Variants in SUN1 observed in about 807,000 individuals in gnomAD.
The protein encoded by SUN1 is Sad1 and UNC84 domain containing 1.
In SUN1, 61 loss-of-function variants were observed where a neutral mutation model predicts 103.2. The observed-to-expected ratio is 0.59, with a 90% CI of 0.48 to 0.73. SUN1 has a LOEUF of 0.73. Among genes scored for constraint, SUN1 ranks in the 30% least tolerant of loss-of-function variants. The pLI is 0.00. For synonymous variants in SUN1, 490 were observed against 425.7 expected (o/e 1.15, Z -1.86); for missense variants, 1,052 against 1,034.6 (o/e 1.02, Z -0.23).
chr7:851,349 G>T, intron 5 of SUN1, 35 bp from the exon 6 acceptor site: 2 of 1,543,838 alleles, frequency 1.3e-6, no homozygotes, highest in Non-Finnish European at 1.8e-6. Context: ...GGTCCCTGGC[G>T]TCTGTCTGAG....
chr7:843,203 T>C lies in SUN1; in HGVS notation c.452-3T>C, dbSNP rs780044614. The C allele has an allele frequency of 9.3e-6, 15 of 1,606,268 alleles. No homozygotes were observed. The highest frequency in any genetic ancestry group is 8.5e-7 in the Non-Finnish European group (1 of 1,179,128). ...GTGTGTGTGTGTGTGTTTTTTTTTT[T>C]AGGTCTTGATGATGATGGTGATCTT... On this transcript the variant is annotated splice_polypyrimidine_tract_variant and splice_region_variant and intron_variant, in intron 3 of 18. Coordinates refer to ENST00000401592, the MANE Select transcript of SUN1 (RefSeq NM_001130965.3).
intron 15 of SUN1, among the ~76,000 whole-genome samples, chr7:863,033 T>C (rs537982800): frequency 6.6e-6 from 1 of 152,196 alleles, no homozygotes; most frequent in African/African-American, 2.4e-5. Context: ...TCCCAGCTAC[T>C]TGGGAGGCTA....
chr7:870,205 T>TAAAAAAA (rs34486427), intron 17 of SUN1, among the ~76,000 whole-genome samples: 1 of 137,200 alleles, frequency 7.3e-6, no homozygotes, highest in African/African-American at 2.7e-5. Context: ...ACCCTGTCTT[T>TAAAAAAA]AAAAAAAAAA....
intron 15 of SUN1, among the ~76,000 whole-genome samples, chr7:864,148 A>AGTGCCTG (rs1369756684): frequency 1.3e-5 from 2 of 152,172 alleles, no homozygotes; most frequent in Non-Finnish European, 2.9e-5. Context: ...ATATATTTTG[A>AGTGCCTG]TACAGGCATG....
At chr7:843,556 T>G in intron 5 of SUN1, 36 bp downstream of exon 5, 8 of 1,613,806 alleles carry the variant, frequency 5.0e-6, no homozygotes, top group Non-Finnish European at 6.8e-6. Flanking sequence ...GAAAAAGGTG[T>G]GTTTTCCAAA....
intron 7 of SUN1, chr7:852,332 A>G: frequency 1.7e-6 from 1 of 595,808 alleles, no homozygotes; most frequent in Non-Finnish European, 2.9e-6. Context: ...TCCCAGTGGC[A>G]TCAGTCACCT....
At chr7:826,218 A>G (rs1791685400) in intron 1 of SUN1, among the ~76,000 whole-genome samples, 1 of 150,680 alleles carries the variant, frequency 6.6e-6, no homozygotes, top group Non-Finnish European at 1.5e-5. Context: ...ACAGAATGAG[A>G]CCCTGTCTCT....
chr7:861,512 G>C, intron 15 of SUN1, 48 bp downstream of exon 15: 1 of 1,596,922 alleles, frequency 6.3e-7, no homozygotes, highest in Non-Finnish European at 8.6e-7. Context: ...TCACCTGTTA[G>C]CAGGGGTGTG....
chr7:829,559 T>TG (rs397827865), upstream of SUN1, among the ~76,000 whole-genome samples: 3 of 146,628 alleles, frequency 2.0e-5, no homozygotes, highest in East Asian at 2.0e-4. Flanking sequence ...TTTTTTTTTT[T>TG]GTTTTTTTTT....
At chr7:824,693 A>G (rs531260017) in intron 1 of SUN1, among the ~76,000 whole-genome samples, 29 of 152,206 alleles carry the variant, frequency 1.9e-4, no homozygotes, top group South Asian at 4.1e-4. Context: ...TTTGACACTC[A>G]GCTGTTTTCT....
chr7:824,366 C>T lies in SUN1; in HGVS notation c.-74+7693C>T, dbSNP rs551242699. Among the ~76,000 whole-genome samples the T allele has an allele frequency of 2.3e-3, 346 of 152,298 alleles. 2 individuals are homozygous for T. Among genetic ancestry groups the T allele is most frequent in the African/African-American group, 7.8e-3 (325 of 41,562 alleles). On this transcript the variant is annotated intron_variant, in intron 1 of 17. Transcript: ENST00000389574. Reference sequence around the variant, plus strand: ...CTGCAGCACATCCCTGCTTGAGGGCCGCTGGCTGCAGATGAGTTCTCCAGG... The same window carrying T: ...CTGCAGCACATCCCTGCTTGAGGGCTGCTGGCTGCAGATGAGTTCTCCAGG...
chr7:823,679 G>A (rs565352163), intron 1 of SUN1, among the ~76,000 whole-genome samples: 13 of 152,148 alleles, frequency 8.5e-5, no homozygotes, highest in Non-Finnish European at 1.8e-4. Flanking sequence ...TCTGTAGATG[G>A]GTCATTCAGG....
intron 15 of SUN1, among the ~76,000 whole-genome samples, chr7:862,512 T>C (rs1832988924): frequency 6.6e-6 from 1 of 152,174 alleles, no homozygotes; most frequent in African/African-American, 2.4e-5. Flanking sequence ...GTGTGATCGG[T>C]GTGTGTTTGT....
chr7:832,675 A>C, intron 1 of SUN1, 74 bp downstream of exon 1: 1 of 1,185,340 alleles, frequency 8.4e-7, no homozygotes, highest in Non-Finnish European at 1.2e-6. Context: ...GGACCTTAAC[A>C]GGAACTCCAT....
chr7:837,034 C>T (rs757695410), intron 1 of SUN1, among the ~76,000 whole-genome samples: 5 of 152,190 alleles, frequency 3.3e-5, no homozygotes, highest in South Asian at 2.1e-4. Context: ...CTGGGGACTG[C>T]GAATCATGAC....
intron 17 of SUN1, among the ~76,000 whole-genome samples, chr7:870,571 G>A (rs1034633846): frequency 2.0e-5 from 3 of 152,120 alleles, no homozygotes; most frequent in Non-Finnish European, 2.9e-5. Flanking sequence ...GGGCAACAGA[G>A]CAAGACTCTG....
intron 2 of SUN1, among the ~76,000 whole-genome samples, chr7:840,554 A>G (rs1808473635): frequency 6.6e-6 from 1 of 152,030 alleles, no homozygotes; most frequent in Non-Finnish European, 1.5e-5. Flanking sequence ...CGGTGGTAAC[A>G]TTCACAGGGT....
At chr7:862,365 A>G (rs569190150) in intron 15 of SUN1, among the ~76,000 whole-genome samples, 1 of 152,100 alleles carries the variant, frequency 6.6e-6, no homozygotes, top group Admixed American at 6.5e-5. Flanking sequence ...TCCTAATCCC[A>G]TTAGTACGGG....
At chr7:869,992 G>A (rs1007386283) in intron 17 of SUN1, among the ~76,000 whole-genome samples, 9 of 150,800 alleles carry the variant, frequency 6.0e-5, no homozygotes, top group South Asian at 2.1e-4. Context: ...TCGGGAGTTC[G>A]AGACCAGCCT....
Sources: allele counts gnomAD v4.1 joint callset (sites outside exome capture counted in the v4.1 genomes callset), GRCh38; gene constraint gnomAD v4.1.1; transcripts MANE v1.5; gene names NCBI Gene and HGNC (gene_info 2026-07-23, HGNC 2026-07-21).